The following MEIS1 variants were observed in gnomAD, a reference collection of about 807,000 sequenced individuals.
MEIS1 encodes the protein Meis homeobox 1.
MEIS1 carries 5 observed loss-of-function variants against 50.8 expected under a neutral mutation model. The ratio of observed to expected loss-of-function variants is 0.10; its 90% confidence interval spans 0.05 to 0.21. The LOEUF (loss-of-function observed/expected upper bound fraction) is 0.21. Ranked by LOEUF, MEIS1 falls within the 10% of genes least tolerant of loss-of-function variation. The pLI, the probability that MEIS1 is intolerant of heterozygous loss-of-function variation, is 1.00. For missense variants in MEIS1, 318 were observed against 517.3 expected, an observed-to-expected ratio of 0.61 and a Z score of 3.74; for synonymous variants, 176 against 179.3, an observed-to-expected ratio of 0.98 and a Z score of 0.15.
At chr2:66,527,476 A>G (rs1457122683) in intron 8 of MEIS1, among the ~76,000 whole-genome samples, 1 of 152,194 alleles carries the variant, frequency 6.6e-6, no homozygotes, top group Non-Finnish European at 1.5e-5. Flanking sequence ...TGACACAGTT[A>G]TTCCAGAGCA....
At chr2:66,546,222 C>T (rs575490770) in intron 8 of MEIS1, among the ~76,000 whole-genome samples, 1 of 152,196 alleles carries the variant, frequency 6.6e-6, no homozygotes, top group Admixed American at 6.5e-5. Context: ...TAAAGCTGAA[C>T]ATTTGAGCTG....
rs531272347 is a variant in MEIS1, at chr2:66,548,135, T to A, written c.965+116T>A. The A allele has an allele frequency of 2.9e-4, 278 of 955,142 alleles. 4 individuals are homozygous for A. The South Asian group carries it at 3.9e-3, about 14-fold the overall frequency. The allele number at this position is 955,142 out of a possible 1,614,324, so 59.2% of individuals were successfully genotyped here. A position where few individuals can be genotyped will look rare whatever the true frequency, so the allele number is the denominator to read the frequency against. On this transcript the variant is annotated intron_variant, in intron 9 of 12. Transcript: ENST00000272369. ...TGCCACTGCTTTCCCTGGTGGCTTG[T>A]TGATTCAAAAGTGAAAACAAACTGT...
At chr2:66,445,595 G>A (rs60307853) in intron 6 of MEIS1, among the ~76,000 whole-genome samples, 1 of 152,202 alleles carries the variant, frequency 6.6e-6, no homozygotes, top group African/African-American at 2.4e-5. Flanking sequence ...TTCTCGTGCT[G>A]TGAGAACGCT....
intron 9 of MEIS1, among the ~76,000 whole-genome samples, chr2:66,566,029 A>G (rs1048149173): frequency 1.3e-5 from 2 of 152,176 alleles, no homozygotes; most frequent in African/African-American, 4.8e-5. Context: ...TTCATGGTTT[A>G]TACAAGATAA....
intron 7 of MEIS1, among the ~76,000 whole-genome samples, chr2:66,464,578 A>G (rs1245890708): frequency 1.3e-5 from 2 of 152,244 alleles, no homozygotes; most frequent in Non-Finnish European, 2.9e-5. Context: ...GCTCATGAAG[A>G]AACATCCACT....
chr2:66,560,083 A>G (rs2103958800), intron 9 of MEIS1, among the ~76,000 whole-genome samples: 1 of 146,828 alleles, frequency 6.8e-6, no homozygotes, highest in African/African-American at 2.5e-5. Context: ...GGCATAAGCC[A>G]CAACTCCCTG....
chr2:66,555,944 G>C (rs1226029920), intron 9 of MEIS1, among the ~76,000 whole-genome samples: 1 of 152,168 alleles, frequency 6.6e-6, no homozygotes, highest in Non-Finnish European at 1.5e-5. Flanking sequence ...GTTGGTCTTA[G>C]ATCCGGTCTG....
At chr2:66,477,422 C>T (rs1672919980) in intron 7 of MEIS1, among the ~76,000 whole-genome samples, 1 of 152,166 alleles carries the variant, frequency 6.6e-6, no homozygotes, top group Admixed American at 6.5e-5. Context: ...GTAGCTTTGC[C>T]ACTCTAGATG....
chr2:66,552,459 AGAG>A lies in MEIS1; in HGVS notation c.965+4441_965+4443del, dbSNP rs1674945016. ...TATAGAGAAAAATTATTCTCCATCA[AGAG>A]AGCATATAAAATTCCAGGTTCCATC... On this transcript the variant is annotated intron_variant, in intron 9 of 12. Coordinates refer to ENST00000272369, the MANE Select transcript of MEIS1 (RefSeq NM_002398.3). Among the ~76,000 whole-genome samples the A allele has an allele frequency of 4.6e-5, 7 of 152,322 alleles. No individual in the cohort carries two copies. The South Asian group carries it at 1.2e-3, about 27-fold the overall frequency.
At chr2:66,442,687 A>C in intron 5 of MEIS1, 2 of 497,452 alleles carry the variant, frequency 4.0e-6, no homozygotes, top group Non-Finnish European at 6.9e-6. Context: ...CCTGTGAATC[A>C]TCTTGTCACT....
intron 9 of MEIS1, among the ~76,000 whole-genome samples, chr2:66,563,238 A>G (rs766260096): frequency 5.3e-5 from 8 of 152,190 alleles, no homozygotes; most frequent in Non-Finnish European, 7.4e-5. Flanking sequence ...TGTGTATTTC[A>G]TAGATATGTA....
chr2:66,461,108 C>T (rs1427759031), intron 6 of MEIS1, among the ~76,000 whole-genome samples: 2 of 152,098 alleles, frequency 1.3e-5, no homozygotes, highest in Non-Finnish European at 1.5e-5. Flanking sequence ...TTATCTAATG[C>T]CATGCATTCT....
chr2:66,541,593 T>G (rs1205696762), intron 8 of MEIS1, among the ~76,000 whole-genome samples: 1 of 152,212 alleles, frequency 6.6e-6, no homozygotes, highest in Non-Finnish European at 1.5e-5. Flanking sequence ...AGAATGACTC[T>G]ACTGGGCCCC....
At chr2:66,491,080 A>G (rs548959983) in intron 7 of MEIS1, among the ~76,000 whole-genome samples, 41 of 133,990 alleles carry the variant, frequency 3.1e-4, no homozygotes, top group African/African-American at 1.5e-3. Flanking sequence ...GAAGCCAACC[A>G]ATGGAAAAAA....
intron 7 of MEIS1, among the ~76,000 whole-genome samples, chr2:66,484,162 G>C (rs987947855): frequency 1.3e-5 from 2 of 152,044 alleles, no homozygotes; most frequent in Admixed American, 6.6e-5. Flanking sequence ...GTTTGATTCT[G>C]GTAAGTTATG....
At chr2:66,500,434 T>C (rs952098011) in intron 7 of MEIS1, among the ~76,000 whole-genome samples, 6 of 152,078 alleles carry the variant, frequency 3.9e-5, no homozygotes, top group African/African-American at 1.4e-4. Context: ...TATTTATTTA[T>C]TTTTTATTGA....
intron 8 of MEIS1, among the ~76,000 whole-genome samples, chr2:66,518,532 C>T (rs922638796): frequency 2.0e-4 from 30 of 152,182 alleles, no homozygotes; most frequent in African/African-American, 6.8e-4. Flanking sequence ...GTTACTGATA[C>T]ACCTAACTGA....
At chr2:66,453,946 T>C (rs1187828518) in intron 6 of MEIS1, among the ~76,000 whole-genome samples, 4 of 152,052 alleles carry the variant, frequency 2.6e-5, no homozygotes, top group Admixed American at 1.3e-4. Flanking sequence ...TTGTCATTTT[T>C]AGTTACACAT....
rs183484655 is a variant in MEIS1, at chr2:66,450,800, A to G, written c.630+7752A>G. 2.2e-4 allele frequency among the ~76,000 whole-genome samples: 34 copies of G among 152,280 alleles called. No individual in the cohort carries two copies. The East Asian group carries it at 6.0e-3, about 27-fold the overall frequency. On this transcript the variant is annotated intron_variant, in intron 6 of 12. Coordinates refer to ENST00000272369, the MANE Select transcript of MEIS1 (RefSeq NM_002398.3). The stretch of plus-strand genomic sequence containing the variant: ...TTGTTGCTTGTGAATTTCCATTTCT[A>G]TAGAATTTTCCTTACACTTTACAAT...
Sources: allele counts gnomAD v4.1 joint callset (sites outside exome capture counted in the v4.1 genomes callset), GRCh38; gene constraint gnomAD v4.1.1; transcripts MANE v1.5; gene names NCBI Gene and HGNC (gene_info 2026-07-23, HGNC 2026-07-21).